The following COLGALT2 variants were observed in gnomAD, a reference collection of about 807,000 sequenced individuals.
COLGALT2 encodes the protein procollagen galactosyltransferase 2.
COLGALT2 carries 49 observed loss-of-function variants against 73.4 expected under a neutral mutation model. That is an observed-to-expected ratio of 0.67 (90% CI 0.53 to 0.85). The LOEUF is 0.85. Among genes scored for constraint, COLGALT2 ranks in the 40% least tolerant of loss-of-function variants. The pLI is 0.00. For missense variants in COLGALT2, 722 were observed against 790.2 expected (o/e 0.91, Z 1.03); for synonymous variants, 295 against 307.6 (o/e 0.96, Z 0.43).
At chr1:183,964,440 C>T (rs1670808789) in intron 5 of COLGALT2, 1 of 198,078 alleles carries the variant, frequency 5.0e-6, no homozygotes, top group Non-Finnish European at 1.0e-5. Context: ...CAGGAAAATT[C>T]TGTAACGCTG....
intron 10 of COLGALT2, among the ~76,000 whole-genome samples, chr1:183,943,054 C>A (rs894666138): frequency 6.6e-6 from 1 of 152,218 alleles, no homozygotes; most frequent in East Asian, 1.9e-4. Flanking sequence ...AGTGCAGCGA[C>A]TTCTGGAGGA....
intron 8 of COLGALT2, among the ~76,000 whole-genome samples, chr1:183,950,350 T>C (rs1034709231): frequency 2.0e-5 from 3 of 152,054 alleles, no homozygotes; most frequent in Non-Finnish European, 2.9e-5. Flanking sequence ...GTTGGAGTTA[T>C]GCAAATAGAA....
In COLGALT2 at chr1:184,037,410, G is replaced by C. The variant is rs1000972416; in HGVS notation, c.-53C>G. 3 of 1,303,318 alleles carry C rather than the reference G, an allele frequency of 2.3e-6. No homozygotes were observed. Among genetic ancestry groups the C allele is most frequent in the Admixed American group, 8.3e-5 (2 of 24,206 alleles). The allele number at this position is 1,303,318 out of a possible 1,614,324, so 80.7% of individuals were successfully genotyped here. The stretch of plus-strand genomic sequence containing the variant: ...AGTCCTGGCGCGAGCGCCCGGCTGG[G>C]CTGCCTGAGGGCGGCGGCGGCTGCC... On this transcript the variant is annotated 5_prime_UTR_variant, in exon 1 of 12. Coordinates refer to ENST00000361927, the MANE Select transcript of COLGALT2 (RefSeq NM_015101.4).
At chr1:183,983,160 T>C (rs1048721565) in intron 1 of COLGALT2, among the ~76,000 whole-genome samples, 1 of 152,238 alleles carries the variant, frequency 6.6e-6, no homozygotes, top group Non-Finnish European at 1.5e-5. Context: ...CTGTTTGTTC[T>C]CAGGCTTCTG....
chr1:183,957,225 G>GATATGTATGAGTGTCTCTATTTTT (rs1670576540), intron 6 of COLGALT2, among the ~76,000 whole-genome samples: 1 of 152,102 alleles, frequency 6.6e-6, no homozygotes, highest in Non-Finnish European at 1.5e-5. Context: ...TGTACCATGG[G>GATATGTATGAGTGTCTCTATTTTT]ATATGTATGA....
At chr1:184,033,729 C>A (rs1649583582) in intron 1 of COLGALT2, among the ~76,000 whole-genome samples, 1 of 152,154 alleles carries the variant, frequency 6.6e-6, no homozygotes, top group East Asian at 1.9e-4. Flanking sequence ...AAAATTATCA[C>A]ATAACAGGGG....
At chr1:183,961,664 A>G (rs941558455) in intron 6 of COLGALT2, among the ~76,000 whole-genome samples, 2 of 152,170 alleles carry the variant, frequency 1.3e-5, no homozygotes, top group Non-Finnish European at 2.9e-5. Flanking sequence ...GTTCAAGCCC[A>G]TTATTCTCGC....
At position 184,037,333 on chromosome 1, in the gene COLGALT2, G is replaced by C. The variant is rs1283266939; in HGVS notation, c.25C>G (p.Leu9Val). The C allele has an allele frequency of 8.0e-6, 12 of 1,494,390 alleles. No homozygotes were observed. The highest frequency in any genetic ancestry group is 1.8e-6 in the Non-Finnish European group (2 of 1,121,770). The allele number at this position is 1,494,390 out of a possible 1,614,324, so 92.6% of individuals were successfully genotyped here. A position where few individuals can be genotyped will look rare whatever the true frequency, so the allele number is the denominator to read the frequency against. MAARPAAT[L>V]AWSLLLLSSA... ...GAGAGGAGCAGTAGCGACCAGGCGA[G>C]GGTGGCAGCAGGGCGCGCAGCCATG... Residue 9 changes from leucine (L) to valine (V), a missense_variant, in exon 1 of 12, where the codon CTC becomes GTC. Physicochemically the swap from Leu to Val is conservative, Grantham distance 32. Coordinates refer to ENST00000361927, the MANE Select transcript of COLGALT2 (RefSeq NM_015101.4).
chr1:183,939,126 C>T, intron 11 of COLGALT2, 89 bp from the exon 12 acceptor site: 3 of 848,850 alleles, frequency 3.5e-6, no homozygotes, highest in Non-Finnish European at 5.6e-6. Flanking sequence ...CTCCTGGTTA[C>T]CTCATGAGTT....
chr1:183,977,695 A>G (rs908942404), intron 2 of COLGALT2, among the ~76,000 whole-genome samples: 1 of 151,916 alleles, frequency 6.6e-6, no homozygotes, highest in African/African-American at 2.4e-5. Context: ...AGGTTGAGTG[A>G]GGAGTATTGC....
chr1:183,963,921 T>G lies in COLGALT2; in HGVS notation c.932A>C (p.His311Pro). 1 of 1,611,094 alleles carries G rather than the reference T, an allele frequency of 6.2e-7. No individual in the cohort carries two copies. Among genetic ancestry groups the G allele is most frequent in the African/African-American group, 1.3e-5 (1 of 74,884 alleles). ...TLQEDIENLI[H>P]VQIEAMIDRP... ...CTCACTCATTGCTTCAATCTGCACA[T>G]GGATGAGGTTCTCGATGTCTTCCTG... is the stretch of plus-strand genomic sequence containing the variant. Residue 311 changes from histidine (H) to proline (P), a missense_variant, in exon 6 of 12, where the codon CAT (histidine) becomes CCT (proline). By Grantham distance (77) the His-to-Pro change is moderately conservative. Transcript: ENST00000361927.
intron 1 of COLGALT2, among the ~76,000 whole-genome samples, chr1:184,015,094 G>A (rs1325012938): frequency 7.0e-6 from 1 of 142,188 alleles, no homozygotes; most frequent in Admixed American, 7.0e-5. Context: ...TTTTCTAGTG[G>A]GTAAAAAAAA....
intron 1 of COLGALT2, among the ~76,000 whole-genome samples, chr1:183,993,641 G>A (rs1198592769): frequency 6.6e-6 from 1 of 152,170 alleles, no homozygotes; most frequent in Admixed American, 6.5e-5. Context: ...GTCAGGCCAT[G>A]TCTAAGGCAT....
intron 1 of COLGALT2, among the ~76,000 whole-genome samples, chr1:184,020,774 C>G (rs1007419987): frequency 6.6e-6 from 1 of 152,280 alleles, no homozygotes; most frequent in East Asian, 1.9e-4. Flanking sequence ...ATCTGTACCA[C>G]CAGCATCTCA....
At chr1:183,930,998 TCTTA>T (rs1669833871), downstream of COLGALT2, among the ~76,000 whole-genome samples, 2 of 152,352 alleles carry the variant, frequency 1.3e-5, no homozygotes, top group Middle Eastern at 3.4e-3. Context: ...GAAGCAAGTT[TCTTA>T]CTTAAAATTT....
At chr1:184,022,157 C>A (rs978058154) in intron 1 of COLGALT2, among the ~76,000 whole-genome samples, 2 of 152,122 alleles carry the variant, frequency 1.3e-5, no homozygotes, top group African/African-American at 4.8e-5. Context: ...TCATTCTGTA[C>A]AAGGTGAAAG....
intron 1 of COLGALT2, among the ~76,000 whole-genome samples, chr1:183,987,049 C>CA (rs59990920): frequency 3.3e-5 from 5 of 151,860 alleles, no homozygotes; most frequent in African/African-American, 1.2e-4. Context: ...AATGCTCTAG[C>CA]AAAAAAACAA....
At chr1:184,036,471 C>T (rs1557870399) in intron 1 of COLGALT2, among the ~76,000 whole-genome samples, 2 of 152,236 alleles carry the variant, frequency 1.3e-5, no homozygotes, top group African/African-American at 4.8e-5. Context: ...GAGACCAGGC[C>T]CACGGTGGTG....
At chr1:183,934,259 TAATGTACTAAA>T (rs1244943672), downstream of COLGALT2, among the ~76,000 whole-genome samples, 1 of 152,214 alleles carries the variant, frequency 6.6e-6, no homozygotes, top group Non-Finnish European at 1.5e-5. Context: ...TTTTGTAATA[TAATGTACTAAA>T]ATCTACCATC....
Sources: allele counts gnomAD v4.1 joint callset (sites outside exome capture counted in the v4.1 genomes callset), GRCh38; gene constraint gnomAD v4.1.1; transcripts MANE v1.5; gene names NCBI Gene and HGNC (gene_info 2026-07-23, HGNC 2026-07-21).